Variants in TRHDE observed in about 807,000 individuals in gnomAD.
The protein encoded by TRHDE is thyrotropin releasing hormone degrading enzyme, also known as thyrotropin-releasing hormone-degrading ectoenzyme.
Under a neutral mutation model 125.7 loss-of-function variants are expected in TRHDE, and 72 were observed. The observed-to-expected ratio is 0.57, with a 90% CI of 0.47 to 0.70. The LOEUF is 0.70. Ranked by LOEUF, TRHDE falls within the 30% of genes least tolerant of loss-of-function variation. TRHDE has a pLI of 0.00. For missense variants in TRHDE, 1,110 were observed against 1,327.1 expected (o/e 0.84, Z 2.54); for synonymous variants, 509 against 509.1 (o/e 1.00, Z 0.00).
intron 2 of TRHDE, among the ~76,000 whole-genome samples, chr12:72,351,928 C>T (rs914054823): frequency 6.6e-6 from 1 of 151,854 alleles, no homozygotes; most frequent in African/African-American, 2.4e-5. Context: ...TCTCCTGACT[C>T]ATTTGCTTAC....
chr12:72,177,205 G>A (rs1321910148), intron 2 of TRHDE, among the ~76,000 whole-genome samples: 1 of 152,052 alleles, frequency 6.6e-6, no homozygotes, highest in East Asian at 1.9e-4. Context: ...TTGCTAAATT[G>A]GATTGCTTAT....
intron 2 of TRHDE, among the ~76,000 whole-genome samples, chr12:72,250,727 A>G (rs928318685): frequency 1.3e-5 from 2 of 151,678 alleles, no homozygotes; most frequent in Admixed American, 1.3e-4. Context: ...CTTTGGCCAG[A>G]GAAAAGGCCA....
intron 2 of TRHDE, among the ~76,000 whole-genome samples, chr12:72,112,798 A>C (rs1875351119): frequency 1.3e-5 from 2 of 152,146 alleles, no homozygotes; most frequent in South Asian, 4.1e-4. Flanking sequence ...TTCTGTGAAA[A>C]ACTGCCTGAC....
At chr12:72,325,560 GAAAA>G (rs1015394587) in intron 2 of TRHDE, among the ~76,000 whole-genome samples, 1 of 151,360 alleles carries the variant, frequency 6.6e-6, no homozygotes, top group African/African-American at 2.4e-5. Flanking sequence ...ATTTCATAGA[GAAAA>G]AAAAGGTAGT....
chr12:72,496,567 T>C (rs995151431), intron 5 of TRHDE, among the ~76,000 whole-genome samples: 2 of 152,136 alleles, frequency 1.3e-5, no homozygotes. Context: ...ACCCTTGACA[T>C]GTGGAGATTA....
chr12:72,205,212 C>A (rs1397975339), intron 2 of TRHDE, among the ~76,000 whole-genome samples: 1 of 152,106 alleles, frequency 6.6e-6, no homozygotes, highest in African/African-American at 2.4e-5. Flanking sequence ...CTTTGGTACA[C>A]CAAAATTTTA....
At chr12:72,179,647 C>T (rs1187990899) in intron 2 of TRHDE, among the ~76,000 whole-genome samples, 1 of 152,126 alleles carries the variant, frequency 6.6e-6, no homozygotes, top group African/African-American at 2.4e-5. Flanking sequence ...CTGAACTCTA[C>T]AGTCATAACT....
intron 2 of TRHDE, among the ~76,000 whole-genome samples, chr12:72,343,838 T>C (rs1188599926): frequency 6.6e-6 from 1 of 152,128 alleles, no homozygotes; most frequent in East Asian, 1.9e-4. Flanking sequence ...TTCTCAGGGC[T>C]GGGGAACCTC....
At chr12:72,527,600 A>AG (rs1565778999) in intron 6 of TRHDE, among the ~76,000 whole-genome samples, 1 of 151,230 alleles carries the variant, frequency 6.6e-6, no homozygotes, top group Non-Finnish European at 1.5e-5. Context: ...AAAAAAAAAA[A>AG]GACAAAATAA....
At chr12:72,205,726 A>C (rs943520201) in intron 2 of TRHDE, among the ~76,000 whole-genome samples, 1 of 152,288 alleles carries the variant, frequency 6.6e-6, no homozygotes, top group East Asian at 1.9e-4. Flanking sequence ...ATTCCATTGT[A>C]TGTCCATACT....
At chr12:72,294,409 AG>A in intron 2 of TRHDE, among the ~76,000 whole-genome samples, 1 of 152,206 alleles carries the variant, frequency 6.6e-6, no homozygotes, top group South Asian at 2.1e-4. Context: ...TTCCACAGCC[AG>A]GGTATCCTGA....
intron 2 of TRHDE, among the ~76,000 whole-genome samples, chr12:72,203,998 A>G (rs1461975153): frequency 6.6e-6 from 1 of 152,198 alleles, no homozygotes; most frequent in Non-Finnish European, 1.5e-5. Context: ...ATGGTAGTTT[A>G]GGGGAATCTT....
At position 72,302,841 on chromosome 12, in the gene TRHDE, A is replaced by G. The variant is rs116204905; in HGVS notation, c.1188+15887A>G. 6.4e-3 allele frequency among the ~76,000 whole-genome samples: 971 copies of G among 152,256 alleles called. 13 individuals are homozygous for G. The highest frequency in any genetic ancestry group is 0.022 in the African/African-American group (926 of 41,548). On this transcript the variant is annotated intron_variant, in intron 2 of 18. Coordinates refer to ENST00000261180, the MANE Select transcript of TRHDE (RefSeq NM_013381.3). ...TTTGGAACAGGGTTTCTCAAGCTCA[A>G]GCTCTTTTGGACTGGATAACTTTTG...
chr12:72,159,325 T>G (rs991543829), intron 2 of TRHDE, among the ~76,000 whole-genome samples: 2 of 152,240 alleles, frequency 1.3e-5, no homozygotes, highest in Non-Finnish European at 2.9e-5. Context: ...TTCAATGATC[T>G]ACTTTGTAGA....
rs1816632069 is a variant in TRHDE, at chr12:72,238,333, T to TATATAC, written n.279+132582_279+132583insTATACA. ...ATATATATATATATACATATATATA[T>TATATAC]ACACATTATATATATATATATATAT... On this transcript the variant is annotated intron_variant and non_coding_transcript_variant, in intron 2 of 4. Coordinates refer to the TRHDE transcript ENST00000548156. Among the ~76,000 whole-genome samples, 3 of 30,482 alleles carry TATATAC rather than the reference T, an allele frequency of 9.8e-5. 1 individual carries two copies. The highest frequency in any genetic ancestry group is 1.4e-4 in the Non-Finnish European group (2 of 14,428). The allele number at this position is 30,482 out of a possible 152,430, so 20.0% of individuals were successfully genotyped here.
intron 2 of TRHDE, among the ~76,000 whole-genome samples, chr12:72,157,697 G>A (rs917606153): frequency 8.5e-5 from 13 of 152,134 alleles, no homozygotes; most frequent in Non-Finnish European, 1.8e-4. Context: ...TAAGAAGTTC[G>A]TTTGAGTATT....
chr12:72,241,589 G>A (rs1197826065), intron 2 of TRHDE, among the ~76,000 whole-genome samples: 2 of 152,112 alleles, frequency 1.3e-5, no homozygotes, highest in Non-Finnish European at 2.9e-5. Context: ...CTAATTTGGG[G>A]AATCAGGAAT....
At chr12:72,303,820 T>C (rs1420782651) in intron 2 of TRHDE, among the ~76,000 whole-genome samples, 1 of 152,126 alleles carries the variant, frequency 6.6e-6, no homozygotes, top group Non-Finnish European at 1.5e-5. Context: ...CACATGGCCA[T>C]GTGTCAAGCC....
chr12:72,598,161 T>A, intron 12 of TRHDE, among the ~76,000 whole-genome samples: 1 of 152,118 alleles, frequency 6.6e-6, no homozygotes, highest in East Asian at 1.9e-4. Context: ...ACATCAGTGA[T>A]CCTATCTATG....
Sources: allele counts gnomAD v4.1 joint callset (sites outside exome capture counted in the v4.1 genomes callset), GRCh38; gene constraint gnomAD v4.1.1; transcripts MANE v1.5; gene names NCBI Gene and HGNC (gene_info 2026-07-23, HGNC 2026-07-21).